SHANK1: variants seen among roughly 807,000 people sequenced by gnomAD.
The protein encoded by SHANK1 is SH3 and multiple ankyrin repeat domains 1, also known as SH3 and multiple ankyrin repeat domains protein 1.
SHANK1 carries 35 observed loss-of-function variants against 165.6 expected under a neutral mutation model. The ratio of observed to expected loss-of-function variants is 0.21; its 90% CI spans 0.16 to 0.28. The LOEUF is 0.28. SHANK1 is among the 10% of genes least tolerant of loss of function. The pLI is 1.00. For missense variants in SHANK1, 2,681 were observed against 3,036.4 expected, an observed-to-expected ratio of 0.88 and a Z score of 2.75; for synonymous variants, 1,428 against 1,384.8, an observed-to-expected ratio of 1.03 and a Z score of -0.69.
At chr19:50,691,202 G>T (rs1986527666) in intron 15 of SHANK1, among the ~76,000 whole-genome samples, 1 of 152,164 alleles carries the variant, frequency 6.6e-6, no homozygotes, top group African/African-American at 2.4e-5. Flanking sequence ...AGGGAGGAAA[G>T]GGGCCGAGAA....
chr19:50,714,440 C>T (rs571344204), intron 4 of SHANK1, 150 bp from the exon 5 acceptor site: 11 of 697,662 alleles, frequency 1.6e-5, no homozygotes, highest in Non-Finnish European at 2.6e-5. Context: ...GAGAAAATAC[C>T]CAGCCCTTTG....
chr19:50,659,508 G>A lies in SHANK1; in HGVS notation c.*2457C>T, dbSNP rs570673440. Among the ~76,000 whole-genome samples, 4 of 151,894 alleles carry A rather than the reference G, an allele frequency of 2.6e-5. No individual in the cohort carries two copies. In the South Asian group the frequency reaches 6.3e-4, roughly 24 times the overall value. ...GGCACCGGGGCTTTCAGCGCGTGCC[G>A]AGCCCTGTCTCAGCGAGAATCAGAC... On this transcript the variant is annotated 3_prime_UTR_variant, in exon 24 of 24. Transcript: ENST00000293441.
intron 8 of SHANK1, among the ~76,000 whole-genome samples, chr19:50,707,115 C>T (rs2088948970): frequency 1.3e-5 from 2 of 152,156 alleles, no homozygotes; most frequent in African/African-American, 2.4e-5. Flanking sequence ...GATGTATGTG[C>T]CAGGCACTCT....
In SHANK1 at chr19:50,716,603, A is replaced by C. The variant is rs1037006596; in HGVS notation, c.255+62T>G. ...CTGGGAGGATACCCAGCACCAGTGG[A>C]CTCCCCATGTCGGTTGGGGCACTGT... On this transcript the variant is annotated intron_variant, in intron 2 of 23. Coordinates refer to ENST00000293441, the MANE Select transcript of SHANK1 (RefSeq NM_016148.5). The surrounding 1 kb of genome is among the most constrained non-coding windows in gnomAD (Gnocchi z 8.4). 1 of 1,552,438 alleles carries C rather than the reference A, an allele frequency of 6.4e-7. No homozygotes were observed. The highest frequency in any genetic ancestry group is 1.4e-5 in the African/African-American group (1 of 73,414).
At chr19:50,680,689 CCT>C (rs936008950) in intron 21 of SHANK1, among the ~76,000 whole-genome samples, 22 of 151,504 alleles carry the variant, frequency 1.5e-4, no homozygotes, top group Non-Finnish European at 2.2e-4. Flanking sequence ...AGAATCGCAC[CCT>C]GTCACCCAGG....
chr19:50,673,190 T>C (rs1985860904), intron 21 of SHANK1, among the ~76,000 whole-genome samples: 1 of 152,072 alleles, frequency 6.6e-6, no homozygotes, highest in African/African-American at 2.4e-5. Context: ...GTGAACCGTG[T>C]CTGCTTGACT....
At position 50,700,042 on chromosome 19, in the gene SHANK1, C is replaced by T. The variant is rs1430305308; in HGVS notation, c.1748-2086G>A. 1.1e-4 allele frequency among the ~76,000 whole-genome samples: 6 copies of T among 54,058 alleles called. 2 individuals are homozygous for T. The highest frequency in any genetic ancestry group is 5.2e-4 in the African/African-American group (6 of 11,554). 35.5% of individuals were successfully genotyped at this position (54,058 alleles called of 152,430 possible). On this transcript the variant is annotated intron_variant, in intron 12 of 23. Transcript: ENST00000293441. ...CGGGGCATTGGAGGATTGGAGGGCT[C>T]GGGGCATTGGAGGGTTGGAAGGCTC... is the stretch of plus-strand genomic sequence containing the variant.
chr19:50,672,118 TG>T lies in SHANK1; in HGVS notation c.2578-5del, dbSNP rs750631041. On this transcript the variant is annotated splice_region_variant and splice_polypyrimidine_tract_variant and intron_variant, in intron 21 of 23. Coordinates refer to ENST00000293441, the MANE Select transcript of SHANK1 (RefSeq NM_016148.5). ...GGTGGTGGGGATCGAAGCTCGACTTTGGAGCGGCAGTCAGAGGGGGAGAGAG... is the reference window on the plus strand; with the variant it reads ...GGTGGTGGGGATCGAAGCTCGACTTTGAGCGGCAGTCAGAGGGGGAGAGAG... 2.5e-6 allele frequency: 4 copies of T among 1,611,678 alleles called. No individual in the cohort carries two copies. The highest frequency in any genetic ancestry group is 8.5e-7 in the Non-Finnish European group (1 of 1,178,604).
rs1302263581 is a variant in SHANK1 at position 50,667,523 on chromosome 19, G to A, written c.4437C>T (p.Ser1479=). 18 of 1,509,464 alleles carry A rather than the reference G, an allele frequency of 1.2e-5. No individual in the cohort carries two copies. Among genetic ancestry groups the A allele is most frequent in the Admixed American group, 2.3e-5 (1 of 44,358 alleles). The allele number at this position is 1,509,464 out of a possible 1,614,324, so 93.5% of individuals were successfully genotyped here. ...PHPGVSKPWR[S]AAPEEPERLP... ...GCCGCTCGGGTTCTTCGGGGGCTGC[G>A]GACCTCCAGGGCTTGCTTACTCCGG... is the stretch of plus-strand genomic sequence containing the variant. The change falls in exon 23 of 24, where the codon TCC becomes TCT. Residue 1479 remains serine, a synonymous_variant. Transcript: ENST00000293441. The surrounding 1 kb of genome is among the most constrained non-coding windows in gnomAD (Gnocchi z 5.7).
intron 15 of SHANK1, among the ~76,000 whole-genome samples, chr19:50,696,235 A>G (rs1457274762): frequency 6.6e-6 from 1 of 152,166 alleles, no homozygotes; most frequent in Non-Finnish European, 1.5e-5. Flanking sequence ...CTGGTAGACA[A>G]GAAGCAGAGG....
At chr19:50,694,952 T>G (rs1986683258) in intron 15 of SHANK1, among the ~76,000 whole-genome samples, 1 of 147,252 alleles carries the variant, frequency 6.8e-6, no homozygotes, top group African/African-American at 2.5e-5. Context: ...GCTGGCCAGC[T>G]GGAGGACAGC....
intron 8 of SHANK1, 30 bp from the exon 9 acceptor site, chr19:50,704,544 A>AAG (rs755146308): frequency 6.9e-6 from 11 of 1,593,428 alleles, no homozygotes; most frequent in Non-Finnish European, 9.5e-6. Flanking sequence ...GCACAGGACA[A>AAG]AGAGAGAGAG....
rs1434082226 is a variant in SHANK1, at chr19:50,666,846, C to A, written c.5114G>T (p.Gly1705Val). ...CCCGCCCCCACCCCCTGCGCTGCCA[C>A]CACCTTCGGCAGATAGGCTGCTCAG... ...STLSSLSAEG[G>V]GSAGGGGGAG... The change falls in exon 23 of 24, where the codon GGT becomes GTT. Residue 1705 changes from glycine to valine, a missense_variant. By Grantham distance (109) the Gly-to-Val change is moderately radical. Coordinates refer to ENST00000293441, the MANE Select transcript of SHANK1 (RefSeq NM_016148.5). The A allele has an allele frequency of 1.3e-6, 2 of 1,557,898 alleles. No individual in the cohort carries two copies. Among genetic ancestry groups the A allele is most frequent in the South Asian group, 1.2e-5 (1 of 84,624 alleles).
In SHANK1 at chr19:50,667,027, G is replaced by A. The variant is rs748952862; in HGVS notation, c.4933C>T (p.Pro1645Ser). 6.4e-7 allele frequency: 1 copy of A among 1,551,738 alleles called. No homozygotes were observed. The highest frequency in any genetic ancestry group is 1.9e-5 in the Admixed American group (1 of 53,504). ...GGGGCAGGCGGGCCTGGTGGATGGGGGTCCCCAGGAGCGGCGGAGGCCCCC... is the reference window on the plus strand; with the variant it reads ...GGGGCAGGCGGGCCTGGTGGATGGGAGTCCCCAGGAGCGGCGGAGGCCCCC... Reference protein sequence around the residue: ...TQGASAAPGDPHPPGPPAPAA... With the variant: ...TQGASAAPGDSHPPGPPAPAA... Residue 1645 changes from proline to serine, a missense_variant, in exon 23 of 24, where the codon CCC becomes TCC. This residue lies in a region of SHANK1 where 1,713 missense variants were observed against 1,630.2 expected (regional missense o/e 1.05). Transcript: ENST00000293441. This position sits in a 1 kb window ranked among gnomAD's most constrained non-coding sequence, Gnocchi z 5.7.
intron 21 of SHANK1, among the ~76,000 whole-genome samples, chr19:50,683,778 A>G (rs568640371): frequency 1.6e-4 from 24 of 152,330 alleles, no homozygotes; most frequent in Non-Finnish European, 2.9e-5. Flanking sequence ...CGCCTGTCCA[A>G]GAATAACCAC....
intron 15 of SHANK1, among the ~76,000 whole-genome samples, chr19:50,692,331 A>C (rs969639866): frequency 9.2e-5 from 14 of 151,860 alleles, no homozygotes; most frequent in African/African-American, 2.9e-4. Context: ...TCCTCACAAC[A>C]ACCCAGGGAA....
chr19:50,711,887 T>C (rs1300074949), intron 7 of SHANK1, 60 bp downstream of exon 7: 21 of 1,597,552 alleles, frequency 1.3e-5, no homozygotes, highest in Non-Finnish European at 1.5e-5. Context: ...CCCCAGCCCC[T>C]TGGATGCCTC....
At position 50,667,444 on chromosome 19, in the gene SHANK1, T is replaced by A; in HGVS notation, c.4516A>T (p.Ser1506Cys). ...ENCQPRAPVT[S>C]GRGPPSEDGP... ...TCCTCCGAGGGGGGACCCCTTCCGC[T>A]CGTCACAGGGGCCCGGGGCTGGCAG... Residue 1506 changes from serine to cysteine, a missense_variant, in exon 23 of 24, where the codon AGC becomes TGC. By Grantham distance (112) the Ser-to-Cys change is moderately radical (BLOSUM62 -1). Coordinates refer to ENST00000293441, the MANE Select transcript of SHANK1 (RefSeq NM_016148.5). The surrounding 1 kb of genome is among the most constrained non-coding windows in gnomAD (Gnocchi z 5.7). 2 of 1,526,710 alleles carry A rather than the reference T, an allele frequency of 1.3e-6. No individual in the cohort carries two copies. The highest frequency in any genetic ancestry group is 1.7e-6 in the Non-Finnish European group (2 of 1,145,752). The allele number at this position is 1,526,710 out of a possible 1,614,324, so 94.6% of individuals were successfully genotyped here.
At chr19:50,669,926 C>A (rs997143802) in intron 22 of SHANK1, among the ~76,000 whole-genome samples, 1 of 152,156 alleles carries the variant, frequency 6.6e-6, no homozygotes, top group Non-Finnish European at 1.5e-5. Context: ...GGAGTTAAGT[C>A]TTTGCTTACT....
Sources: allele counts gnomAD v4.1 joint callset (sites outside exome capture counted in the v4.1 genomes callset), GRCh38; gene constraint gnomAD v4.1.1; regional missense constraint gnomAD v4.1.1; non-coding constraint Gnocchi (gnomAD v3.1); transcripts MANE v1.5; gene names NCBI Gene and HGNC (gene_info 2026-07-23, HGNC 2026-07-21).